The following ELAVL1 variants were observed in gnomAD, a reference collection of about 807,000 sequenced individuals.
The protein encoded by ELAVL1 is ELAV like RNA binding protein 1, also known as ELAV-like protein 1.
Under a neutral mutation model 28.4 loss-of-function variants are expected in ELAVL1, and 1 was observed. That is an observed-to-expected ratio of 0.04 (90% CI 0.01 to 0.17). The LOEUF is 0.17. Among genes scored for constraint, ELAVL1 ranks in the 10% least tolerant of loss-of-function variants. The pLI, the probability that ELAVL1 is intolerant of heterozygous loss-of-function variation, is 1.00. For missense variants in ELAVL1, 157 were observed against 447.2 expected (o/e 0.35, Z 5.85); for synonymous variants, 174 against 183.5 (o/e 0.95, Z 0.42).
intron 2 of ELAVL1, among the ~76,000 whole-genome samples, chr19:7,990,514 G>A (rs1050325700): frequency 2.0e-5 from 3 of 150,090 alleles, no homozygotes; most frequent in Non-Finnish European, 4.4e-5. Flanking sequence ...CCACAGATGC[G>A]GGCCACCACG....
At chr19:7,984,624 G>A (rs975972605) in intron 2 of ELAVL1, among the ~76,000 whole-genome samples, 1 of 152,188 alleles carries the variant, frequency 6.6e-6, no homozygotes, top group Admixed American at 6.5e-5. Context: ...GACAGGTAGT[G>A]GGGGCAGGCC....
chr19:7,994,383 C>T (rs1279660775), intron 1 of ELAVL1, among the ~76,000 whole-genome samples: 1 of 152,190 alleles, frequency 6.6e-6, no homozygotes, highest in Admixed American at 6.5e-5. Flanking sequence ...GCCCCACAAC[C>T]AAGAATTATC....
At chr19:7,984,455 C>T (rs1415278645) in intron 2 of ELAVL1, among the ~76,000 whole-genome samples, 1 of 152,216 alleles carries the variant, frequency 6.6e-6, no homozygotes, top group African/African-American at 2.4e-5. Flanking sequence ...CCAGTGTATT[C>T]CCAGAAAGTA....
rs1193306049 is a variant in ELAVL1 at position 7,963,498 on chromosome 19, G to C, written c.966C>G (p.Asn322Lys). ...CATGAGCGAGTTATTTGTGGGACTT[G>C]TTGGTTTTGAAGGAAACCTGTAAGA... ...DKILQVSFKT[N>K]KSHK Residue 322 changes from asparagine to lysine, a missense_variant, in exon 6 of 6, where the codon AAC (asparagine) becomes AAG (lysine). This residue lies in a region of ELAVL1 where 107 missense variants were observed against 310.4 expected (regional missense o/e 0.34). Transcript: ENST00000407627. This position sits in a 1 kb window ranked among gnomAD's most constrained non-coding sequence, Gnocchi z 4.5. The C allele has an allele frequency of 6.2e-7, 1 of 1,606,124 alleles. No individual in the cohort carries two copies. The highest frequency in any genetic ancestry group is 8.5e-7 in the Non-Finnish European group (1 of 1,173,662).
chr19:8,002,041 C>A, intron 1 of ELAVL1: 1 of 1,289,340 alleles, frequency 7.8e-7, no homozygotes, highest in South Asian at 1.2e-5. Flanking sequence ...CAGTAGCCAC[C>A]CCTGGCCTAC....
Position 7,979,322 on chromosome 19 carries a change from TG to T in ELAVL1, c.276+1760del, listed in dbSNP as rs571089285. On this transcript the variant is annotated intron_variant, in intron 3 of 5. Coordinates refer to ENST00000407627, the MANE Select transcript of ELAVL1 (RefSeq NM_001419.3). The surrounding 1 kb of genome is among the most constrained non-coding windows in gnomAD (Gnocchi z 5.4). ...ACAGGGAGGGACACCTGCCCAGGCC[TG>T]GGCCCCTGGGGTCCCGTGAGGCTCT... 1.1e-4 allele frequency among the ~76,000 whole-genome samples: 16 copies of T among 152,270 alleles called. No homozygotes were observed. The East Asian group carries it at 3.1e-3, about 29-fold the overall frequency.
In ELAVL1 at chr19:7,959,971, T is replaced by G. The variant is rs1984758445; in HGVS notation, c.*3512A>C. Reference sequence around the variant, plus strand: ...TCTCTTTCATCCAACACAGGAAGGCTGCGAAAAGCACATGGAAATAAAAGG... The same window carrying G: ...TCTCTTTCATCCAACACAGGAAGGCGGCGAAAAGCACATGGAAATAAAAGG... On this transcript the variant is annotated 3_prime_UTR_variant, in exon 6 of 6. Coordinates refer to ENST00000407627, the MANE Select transcript of ELAVL1 (RefSeq NM_001419.3). The G allele has an allele frequency of 6.6e-6, 1 of 152,180 alleles. No homozygotes were observed. 9.4% of individuals were successfully genotyped at this position (152,180 alleles called of 1,614,324 possible).
intron 1 of ELAVL1, chr19:8,001,925 G>A (rs529761908): frequency 3.4e-5 from 20 of 583,492 alleles, no homozygotes; most frequent in East Asian, 6.9e-5. Context: ...ACCCTCAAGC[G>A]GTTCAGCCAT....
intron 4 of ELAVL1, among the ~76,000 whole-genome samples, chr19:7,971,267 G>A (rs1034494058): frequency 3.9e-5 from 6 of 152,346 alleles, no homozygotes; most frequent in African/African-American, 1.4e-4. Flanking sequence ...GGCCCCAAGA[G>A]AGTTGGGTGG....
chr19:7,976,479 C>T (rs1985294957), intron 3 of ELAVL1, among the ~76,000 whole-genome samples: 1 of 152,084 alleles, frequency 6.6e-6, no homozygotes, highest in South Asian at 2.1e-4. Context: ...GGCACTCTCA[C>T]AGGGAGAAGT....
chr19:8,003,801 T>A (rs998567243), intron 1 of ELAVL1, among the ~76,000 whole-genome samples: 33 of 152,320 alleles, frequency 2.2e-4, no homozygotes, highest in African/African-American at 7.0e-4. Flanking sequence ...ATTATTTCCT[T>A]CCACATTTGA....
intron 1 of ELAVL1, among the ~76,000 whole-genome samples, chr19:8,002,740 T>C (rs971143650): frequency 6.6e-6 from 1 of 152,008 alleles, no homozygotes; most frequent in Non-Finnish European, 1.5e-5. Context: ...CCATGGAGCA[T>C]AAGCAAAGGA....
At chr19:7,999,535 G>A (rs951649174) in intron 1 of ELAVL1, among the ~76,000 whole-genome samples, 1 of 152,156 alleles carries the variant, frequency 6.6e-6, no homozygotes. Flanking sequence ...AGAACCTTGA[G>A]GGCCCAGGTT....
At chr19:7,968,804 C>A (rs1244922518) in intron 4 of ELAVL1, among the ~76,000 whole-genome samples, 1 of 152,178 alleles carries the variant, frequency 6.6e-6, no homozygotes, top group Non-Finnish European at 1.5e-5. Flanking sequence ...ACACTAGGCC[C>A]GGGAGGGAAA....
intron 5 of ELAVL1, among the ~76,000 whole-genome samples, chr19:7,964,369 A>G (rs1984895561): frequency 6.6e-6 from 1 of 152,160 alleles, no homozygotes; most frequent in African/African-American, 2.4e-5. Flanking sequence ...CCAGGCAACC[A>G]ACCCTCTGTG....
chr19:8,000,818 C>G (rs1423046382), intron 1 of ELAVL1, among the ~76,000 whole-genome samples: 1 of 152,246 alleles, frequency 6.6e-6, no homozygotes, highest in African/African-American at 2.4e-5. Flanking sequence ...TTCAGCCAGG[C>G]TGAGAAGCCC....
intron 2 of ELAVL1, among the ~76,000 whole-genome samples, chr19:7,984,646 T>TA (rs1435116793): frequency 2.6e-5 from 4 of 152,086 alleles, no homozygotes; most frequent in Non-Finnish European, 4.4e-5. Flanking sequence ...CTGATCTCCC[T>TA]ACAGGCTGAG....
At position 7,982,823 on chromosome 19, in the gene ELAVL1, G is replaced by A. The variant is rs1454424463; in HGVS notation, c.173-1637C>T. On this transcript the variant is annotated intron_variant, in intron 2 of 5. Transcript: ENST00000407627. The surrounding 1 kb of genome is among the most constrained non-coding windows in gnomAD (Gnocchi z 4.3). Reference sequence around the variant, plus strand: ...GTTTCTTGTTTCTCGTGACTGTGACGGTTTTGAGGACTGGTCGGACATCCC... The same window carrying A: ...GTTTCTTGTTTCTCGTGACTGTGACAGTTTTGAGGACTGGTCGGACATCCC... Among the ~76,000 whole-genome samples, 4 of 152,308 alleles carry A rather than the reference G, an allele frequency of 2.6e-5. No homozygotes were observed. The highest frequency in any genetic ancestry group is 2.1e-4 in the South Asian group (1 of 4,824).
In ELAVL1 at chr19:7,961,780, G is replaced by A. The variant is rs1479002677; in HGVS notation, c.*1703C>T. 6.6e-6 allele frequency: 1 copy of A among 152,200 alleles called. No individual in the cohort carries two copies. The highest frequency in any genetic ancestry group is 1.5e-5 in the Non-Finnish European group (1 of 68,036). 9.4% of individuals were successfully genotyped at this position (152,200 alleles called of 1,614,324 possible). ...ATCCTCAATTGTCCAGGGGCCTCTC[G>A]AGACGCTGACCTGCTCTGGGGACGG... On this transcript the variant is annotated 3_prime_UTR_variant, in exon 6 of 6. Transcript: ENST00000407627.
Sources: allele counts gnomAD v4.1 joint callset (sites outside exome capture counted in the v4.1 genomes callset), GRCh38; gene constraint gnomAD v4.1.1; regional missense constraint gnomAD v4.1.1; non-coding constraint Gnocchi (gnomAD v3.1); transcripts MANE v1.5; gene names NCBI Gene and HGNC (gene_info 2026-07-23, HGNC 2026-07-21).